TIGAR: variants seen among roughly 807,000 people sequenced by gnomAD.
TIGAR encodes fructose-2,6-bisphosphatase TIGAR.
A neutral mutation model predicts 17.9 loss-of-function variants in TIGAR; 7 were observed. That is an observed-to-expected ratio of 0.39 (90% confidence interval 0.22 to 0.73). TIGAR has a LOEUF of 0.73. Ranked by LOEUF, TIGAR falls within the 30% of genes least tolerant of loss-of-function variation. TIGAR has a pLI of 0.42. For synonymous variants in TIGAR, 94 were observed against 108.6 expected (o/e 0.87, Z 0.84); for missense variants, 258 against 327.4 (o/e 0.79, Z 1.64).
At chr12:4,337,950 G>T (rs1002499489) in intron 3 of TIGAR, among the ~76,000 whole-genome samples, 2 of 152,166 alleles carry the variant, frequency 1.3e-5, no homozygotes, top group Admixed American at 6.5e-5. Context: ...GGCCAACATG[G>T]TGAAACCCTA....
chr12:4,328,905 C>T (rs1219597804), intron 1 of TIGAR, among the ~76,000 whole-genome samples: 1 of 152,104 alleles, frequency 6.6e-6, no homozygotes, highest in East Asian at 1.9e-4. Context: ...CTTTATCATA[C>T]GTTTATTTTT....
At chr12:4,341,538 A>G (rs1864722053) in intron 3 of TIGAR, among the ~76,000 whole-genome samples, 1 of 152,186 alleles carries the variant, frequency 6.6e-6, no homozygotes, top group Admixed American at 6.5e-5. Flanking sequence ...CTCTGAGACA[A>G]AACTTCCAGA....
chr12:4,328,214 G>A (rs1372262864), intron 1 of TIGAR, among the ~76,000 whole-genome samples: 2 of 151,522 alleles, frequency 1.3e-5, no homozygotes, highest in Non-Finnish European at 2.9e-5. Context: ...TTTTTGAGAT[G>A]AGGTCTTGCT....
intron 3 of TIGAR, among the ~76,000 whole-genome samples, chr12:4,346,623 G>A (rs1396009947): frequency 6.6e-6 from 1 of 151,960 alleles, no homozygotes; most frequent in Non-Finnish European, 1.5e-5. Flanking sequence ...GGGGACGGGG[G>A]AGGGATAGCA....
intron 3 of TIGAR, among the ~76,000 whole-genome samples, chr12:4,340,201 A>G (rs1036414811): frequency 2.7e-4 from 41 of 152,384 alleles, no homozygotes; most frequent in African/African-American, 9.9e-4. Context: ...GAACTGATAC[A>G]TTTGGTAAAG....
At chr12:4,328,816 C>T (rs146765919) in intron 1 of TIGAR, among the ~76,000 whole-genome samples, 7,322 of 152,174 alleles carry the variant, frequency 0.048, 504 homozygotes, top group East Asian at 0.32. Flanking sequence ...ACCTCGTGAT[C>T]TGCCCACCTC....
intron 3 of TIGAR, among the ~76,000 whole-genome samples, chr12:4,343,937 A>G (rs1198800888): frequency 6.6e-6 from 1 of 152,208 alleles, no homozygotes; most frequent in East Asian, 1.9e-4. Context: ...CAATGAATCC[A>G]GGAGCTGGTT....
intron 3 of TIGAR, among the ~76,000 whole-genome samples, chr12:4,344,247 C>T (rs1864756208): frequency 6.6e-6 from 1 of 152,084 alleles, no homozygotes; most frequent in Non-Finnish European, 1.5e-5. Flanking sequence ...AGCTTACCAA[C>T]CAAAAAAAGT....
At chr12:4,341,299 C>T (rs573020748) in intron 3 of TIGAR, among the ~76,000 whole-genome samples, 13 of 152,094 alleles carry the variant, frequency 8.5e-5, no homozygotes, top group African/African-American at 2.7e-4. Context: ...CCAAGATGGC[C>T]GATTAGGAAC....
intron 1 of TIGAR, among the ~76,000 whole-genome samples, chr12:4,326,624 G>A (rs964888635): frequency 3.3e-5 from 5 of 152,208 alleles, no homozygotes; most frequent in South Asian, 4.1e-4. Flanking sequence ...TTATATCACA[G>A]TGGTTATGCT....
rs142553869 is a variant in TIGAR at position 4,359,829 on chromosome 12, A to G, written c.*7138A>G. ...TTGTACCATTTCATGCTTATCAACAATGAGTTCTAGGTGCTTCACATCCTT... is the reference window on the plus strand; with the variant it reads ...TTGTACCATTTCATGCTTATCAACAGTGAGTTCTAGGTGCTTCACATCCTT... On this transcript the variant is annotated 3_prime_UTR_variant, in exon 6 of 6. Transcript: ENST00000179259. 2.1e-3 allele frequency among the ~76,000 whole-genome samples: 327 copies of G among 152,278 alleles called. 2 individuals are homozygous for G. The highest frequency in any genetic ancestry group is 7.5e-3 in the African/African-American group (312 of 41,562).
chr12:4,347,091 A>G (rs1357857398), intron 3 of TIGAR, among the ~76,000 whole-genome samples: 1 of 152,264 alleles, frequency 6.6e-6, no homozygotes, highest in Non-Finnish European at 1.5e-5. Context: ...TTGAAGAGAT[A>G]TCTGCACTCC....
In TIGAR at chr12:4,354,896, CT is replaced by C. The variant is rs34361486; in HGVS notation, c.*2219del. 1.1e-3 allele frequency among the ~76,000 whole-genome samples: 152 copies of C among 139,910 alleles called. No individual in the cohort carries two copies. The highest frequency in any genetic ancestry group is 1.1e-3 in the Non-Finnish European group (68 of 64,296). The allele number at this position is 139,910 out of a possible 152,430, so 91.8% of individuals were successfully genotyped here. A position where few individuals can be genotyped will look rare whatever the true frequency, so the allele number is the denominator to read the frequency against. ...ACAGGCATGCACCACCACGCCTGGC[CT>C]TTTTTTTTTTTTTAGTAGAGACGGG... On this transcript the variant is annotated 3_prime_UTR_variant, in exon 6 of 6. Transcript: ENST00000179259.
intron 3 of TIGAR, among the ~76,000 whole-genome samples, chr12:4,337,765 A>G (rs569374079): frequency 3.3e-5 from 5 of 152,354 alleles, no homozygotes; most frequent in Admixed American, 3.3e-4. Flanking sequence ...CAGATAGAGT[A>G]AGAAACCACT....
In TIGAR at chr12:4,356,804, G is replaced by A. The variant is rs187507062; in HGVS notation, c.*4113G>A. On this transcript the variant is annotated 3_prime_UTR_variant, in exon 6 of 6. Transcript: ENST00000179259. ...GTCCGAGGCCTAGCAGAGGGAATGG[G>A]CAGAAGTTTCCAGTTCCAGGCTTCA... 1.8e-3 allele frequency among the ~76,000 whole-genome samples: 271 copies of A among 152,246 alleles called. 1 individual carries two copies. Among genetic ancestry groups the A allele is most frequent in the African/African-American group, 6.3e-3 (263 of 41,536 alleles).
intron 4 of TIGAR, 34 bp from the exon 5 acceptor site, chr12:4,351,233 A>G: frequency 6.3e-7 from 1 of 1,590,966 alleles, no homozygotes. Context: ...TTGCAATTTC[A>G]TTTGAGAAAC....
At chr12:4,326,938 C>T (rs1396448979) in intron 1 of TIGAR, among the ~76,000 whole-genome samples, 1 of 152,144 alleles carries the variant, frequency 6.6e-6, no homozygotes, top group Non-Finnish European at 1.5e-5. Context: ...AATGAGGGTG[C>T]TTCTTTGGCT....
intron 3 of TIGAR, among the ~76,000 whole-genome samples, chr12:4,349,516 C>T (rs1864814637): frequency 6.6e-6 from 1 of 151,974 alleles, no homozygotes; most frequent in South Asian, 2.1e-4. Context: ...CTCCCAGGTT[C>T]AAGCAATTCT....
rs1348333008 is a variant in TIGAR at position 4,355,409 on chromosome 12, T to C, written c.*2718T>C. Among the ~76,000 whole-genome samples, 1 of 152,208 alleles carries C rather than the reference T, an allele frequency of 6.6e-6. No individual in the cohort carries two copies. The highest frequency in any genetic ancestry group is 6.5e-5 in the Admixed American group (1 of 15,286). On this transcript the variant is annotated 3_prime_UTR_variant, in exon 6 of 6. Coordinates refer to ENST00000179259, the MANE Select transcript of TIGAR (RefSeq NM_020375.3). ...TTATCAGTGTCATACTTAGTTACTG[T>C]GGCTTTGCAGCTGACTGTCTTAAAG...
Sources: allele counts gnomAD v4.1 joint callset (sites outside exome capture counted in the v4.1 genomes callset), GRCh38; gene constraint gnomAD v4.1.1; transcripts MANE v1.5; gene names NCBI Gene and HGNC (gene_info 2026-07-23, HGNC 2026-07-21).